COL6A2: variants seen among roughly 807,000 people sequenced by gnomAD.
COL6A2 encodes the protein collagen type VI alpha 2 chain, also known as collagen alpha-2(VI) chain.
Under a neutral mutation model 124.9 loss-of-function variants are expected in COL6A2, and 90 were observed. The observed-to-expected ratio is 0.72, with a 90% CI of 0.61 to 0.86. The LOEUF (loss-of-function observed/expected upper bound fraction) is 0.86, where lower values mean the gene tolerates loss of function less well. COL6A2 is among the 40% of genes least tolerant of loss of function. COL6A2 has a pLI of 0.00. For missense variants in COL6A2, 1,607 were observed against 1,502.5 expected, an observed-to-expected ratio of 1.07 and a Z score of -1.15; for synonymous variants, 793 against 618.2, an observed-to-expected ratio of 1.28 and a Z score of -4.19.
Position 46,121,043 on chromosome 21 carries a change from TCCTCC to T in COL6A2, c.1396-14_1396-10del. 1 of 1,612,090 alleles carries T rather than the reference TCCTCC, an allele frequency of 6.2e-7. No homozygotes were observed. Among genetic ancestry groups the T allele is most frequent in the Non-Finnish European group, 8.5e-7 (1 of 1,179,506 alleles). On this transcript the variant is annotated splice_polypyrimidine_tract_variant and intron_variant, in intron 16 of 27. Coordinates refer to ENST00000300527, the MANE Select transcript of COL6A2 (RefSeq NM_001849.4). ...GCTGTCAGTCAAGAGAACCCCAAAT[TCCTCC>T]CCTTTCTTCCAGGGAGACCGAGGCT... is the stretch of plus-strand genomic sequence containing the variant.
At chr21:46,128,915 C>T (rs751513910) in intron 27 of COL6A2, 34 of 1,612,732 alleles carry the variant, frequency 2.1e-5, no homozygotes, top group Admixed American at 6.7e-5. Flanking sequence ...TTGGACGGAG[C>T]TGTTTTGTGC....
intron 1 of COL6A2, among the ~76,000 whole-genome samples, chr21:46,098,552 G>C (rs977771759): frequency 8.6e-5 from 13 of 150,970 alleles, no homozygotes; most frequent in Admixed American, 5.3e-4. Context: ...GCGTCTGCGA[G>C]CGGTTCGGGT....
intron 13 of COL6A2, 146 bp downstream of exon 13, chr21:46,118,822 G>C: frequency 1.8e-6 from 2 of 1,117,208 alleles, no homozygotes; most frequent in Non-Finnish European, 2.7e-6. Flanking sequence ...AGGAAGAACA[G>C]GCCATGTGCC....
chr21:46,132,560 GC>G lies in COL6A2; in HGVS notation c.*11del. On this transcript the variant is annotated 3_prime_UTR_variant, in exon 28 of 28. Transcript: ENST00000300527. ...ATCCGCTGGATCTGCTAGCGCCGCCGCCCGGGCCCCGCAGTCGAGGGTCGTG... is the reference window on the plus strand; with the variant it reads ...ATCCGCTGGATCTGCTAGCGCCGCCGCCGGGCCCCGCAGTCGAGGGTCGTG... 2 of 1,587,996 alleles carry G rather than the reference GC, an allele frequency of 1.3e-6. No homozygotes were observed. The highest frequency in any genetic ancestry group is 1.7e-6 in the Non-Finnish European group (2 of 1,172,378).
At chr21:46,098,326 G>T (rs977314893) in intron 1 of COL6A2, among the ~76,000 whole-genome samples, 153 bp downstream of exon 1, 1 of 151,910 alleles carries the variant, frequency 6.6e-6, no homozygotes, top group Non-Finnish European at 1.5e-5. Context: ...GGCGGGTTCG[G>T]GGCTCCTCCT....
In COL6A2 at chr21:46,102,553, G is replaced by A. The variant is rs536636454; in HGVS notation, c.-28+4380G>A. Among the ~76,000 whole-genome samples the A allele has an allele frequency of 7.2e-5, 11 of 152,192 alleles. No individual in the cohort carries two copies. In the South Asian group the frequency reaches 1.9e-3, roughly 26 times the overall value. On this transcript the variant is annotated intron_variant, in intron 1 of 27. Coordinates refer to ENST00000300527, the MANE Select transcript of COL6A2 (RefSeq NM_001849.4). ...TTTCGTATAATATGGCTTTTATTAT[G>A]TTAAGGTTGTTTCCTTCTATTCCTA...
Position 46,116,598 on chromosome 21 carries a change from C to T in COL6A2, c.928-53C>T. 6.2e-7 allele frequency: 1 copy of T among 1,611,004 alleles called. No individual in the cohort carries two copies. The highest frequency in any genetic ancestry group is 1.1e-5 in the South Asian group (1 of 91,042). On this transcript the variant is annotated intron_variant, in intron 8 of 27. Coordinates refer to ENST00000300527, the MANE Select transcript of COL6A2 (RefSeq NM_001849.4). The surrounding 1 kb of genome is among the most constrained non-coding windows in gnomAD (Gnocchi z 4.6). ...GCTTTGCCCCCCAGAGGCAGCAGTG[C>T]CCATGATGCTTTGAGGCACCGAGCT... is the stretch of plus-strand genomic sequence containing the variant.
chr21:46,130,880 G>A (rs1027422280), intron 27 of COL6A2, among the ~76,000 whole-genome samples: 2 of 152,198 alleles, frequency 1.3e-5, no homozygotes, highest in Non-Finnish European at 1.5e-5. Context: ...AACCCCATCT[G>A]CCAGCTCGTG....
chr21:46,132,804 C>T lies in COL6A2; in HGVS notation c.*252C>T, dbSNP rs1271828087. The T allele has an allele frequency of 1.7e-6, 1 of 575,736 alleles. No individual in the cohort carries two copies. Among genetic ancestry groups the T allele is most frequent in the Non-Finnish European group, 3.1e-6 (1 of 320,948 alleles). 35.7% of individuals were successfully genotyped at this position (575,736 alleles called of 1,614,324 possible). A position where few individuals can be genotyped will look rare whatever the true frequency, so the allele number is the denominator to read the frequency against. On this transcript the variant is annotated 3_prime_UTR_variant, in exon 28 of 28. Coordinates refer to ENST00000300527, the MANE Select transcript of COL6A2 (RefSeq NM_001849.4). ...CCAAGGCTCCTGACCTACCTGGCCC[C>T]TGAGCTCTGGAGCAAGCCCTGACCC... is the stretch of plus-strand genomic sequence containing the variant.
rs768112144 is a variant in COL6A2 at position 46,112,404 on chromosome 21, C to T, written c.541C>T (p.Arg181Cys). ...CATCAAGCTGCAGGCCGAGCGGGCC[C>T]GCGAGGAGGGCATCCGGCTCTTCGC... ...GGIKLQAERA[R>C]EEGIRLFAVA... The change falls in exon 3 of 28, where the codon CGC becomes TGC. Residue 181 changes from arginine (R) to cysteine (C), a missense_variant. This residue lies in a region of COL6A2 where 342 missense variants were observed against 381.5 expected (regional missense o/e 0.90). Coordinates refer to ENST00000300527, the MANE Select transcript of COL6A2 (RefSeq NM_001849.4). 4.4e-6 allele frequency: 7 copies of T among 1,608,160 alleles called. No individual in the cohort carries two copies. Among genetic ancestry groups the T allele is most frequent in the East Asian group, 2.2e-5 (1 of 44,820 alleles).
intron 1 of COL6A2, among the ~76,000 whole-genome samples, chr21:46,099,889 C>CGTTTTTT (rs1345870090): frequency 8.7e-5 from 8 of 91,832 alleles, no homozygotes; most frequent in Non-Finnish European, 1.0e-4. Context: ...GCAGCACTGT[C>CGTTTTTT]TTTTTTTTTT....
Position 46,132,534 on chromosome 21 carries a change from CATCCGCTGGATCTGCT to C in COL6A2, c.3044_3059del (p.Ile1015SerfsTer20), listed in dbSNP as rs754115768. The C allele has an allele frequency of 6.2e-7, 1 of 1,604,924 alleles. No homozygotes were observed. The highest frequency in any genetic ancestry group is 1.1e-5 in the South Asian group (1 of 90,870). On this transcript the variant is annotated frameshift_variant and stop_lost, in exon 28 of 28. Transcript: ENST00000300527. LOFTEE classifies it high-confidence loss of function. The stretch of plus-strand genomic sequence containing the variant: ...CGCAACCCGGCTTCTTCGACCGCTT[CATCCGCTGGATCTGCT>C]AGCGCCGCCGCCCGGGCCCCGCAGT...
At chr21:46,129,518 G>A (rs2078729692) in intron 27 of COL6A2, 1 of 1,529,858 alleles carries the variant, frequency 6.5e-7, no homozygotes, top group Admixed American at 2.0e-5. Context: ...CAGCCGGGCT[G>A]GGCCCTCCCT....
At chr21:46,131,853 T>G in intron 27 of COL6A2, 101 bp from the exon 28 acceptor site, 2 of 1,122,908 alleles carry the variant, frequency 1.8e-6, no homozygotes, top group Non-Finnish European at 2.6e-6. Flanking sequence ...TCTGTGAGGT[T>G]GCAGGCAGGG....
chr21:46,109,916 G>GC (rs1216075413), intron 1 of COL6A2, among the ~76,000 whole-genome samples: 1 of 152,212 alleles, frequency 6.6e-6, no homozygotes, highest in Non-Finnish European at 1.5e-5. Flanking sequence ...GCTGGCTCCT[G>GC]CCTCCTCCAT....
At position 46,132,575 on chromosome 21, in the gene COL6A2, T is replaced by C. The variant is rs773812685; in HGVS notation, c.*23T>C. On this transcript the variant is annotated 3_prime_UTR_variant, in exon 28 of 28. Transcript: ENST00000300527. Reference sequence around the variant, plus strand: ...TAGCGCCGCCGCCCGGGCCCCGCAGTCGAGGGTCGTGAGCCCACCCCGTCC... The same window carrying C: ...TAGCGCCGCCGCCCGGGCCCCGCAGCCGAGGGTCGTGAGCCCACCCCGTCC... The C allele has an allele frequency of 6.4e-7, 1 of 1,568,512 alleles. No homozygotes were observed. The highest frequency in any genetic ancestry group is 8.6e-7 in the Non-Finnish European group (1 of 1,162,858).
intron 1 of COL6A2, among the ~76,000 whole-genome samples, chr21:46,103,307 CTTTT>C (rs2078306214): frequency 6.6e-6 from 1 of 152,052 alleles, no homozygotes; most frequent in African/African-American, 2.4e-5. Context: ...TGAGTTTCTT[CTTTT>C]TTTCTTAGTC....
Position 46,132,282 on chromosome 21 carries a change from C to T in COL6A2, c.2790C>T (p.Arg930=). The T allele has an allele frequency of 6.2e-7, 1 of 1,606,858 alleles. No homozygotes were observed. The highest frequency in any genetic ancestry group is 8.5e-7 in the Non-Finnish European group (1 of 1,179,196). The change falls in exon 28 of 28, where the codon CGC becomes CGT. Residue 930 remains arginine (R), a synonymous_variant. Transcript: ENST00000300527. ...GVVHAINAIV[R]SPRGGARRHA... is the part of the protein sequence containing the mutation. ...TGCACGCCATCAATGCCATCGTGCG[C>T]AGCCCGCGTGGCGGGGCCCGGAGGC...
chr21:46,116,420 G>C lies in COL6A2; in HGVS notation c.927+17G>C. On this transcript the variant is annotated intron_variant, in intron 8 of 27. Coordinates refer to ENST00000300527, the MANE Select transcript of COL6A2 (RefSeq NM_001849.4). The surrounding 1 kb of genome is among the most constrained non-coding windows in gnomAD (Gnocchi z 4.6). Reference sequence around the variant, plus strand: ...GGAGAGAAGGTGAGGCTCTTGCCCTGACAGACCTCAGACCTGCGCCAGCCT... The same window carrying C: ...GGAGAGAAGGTGAGGCTCTTGCCCTCACAGACCTCAGACCTGCGCCAGCCT... 1 of 1,612,532 alleles carries C rather than the reference G, an allele frequency of 6.2e-7. No homozygotes were observed.
Sources: allele counts gnomAD v4.1 joint callset (sites outside exome capture counted in the v4.1 genomes callset), GRCh38; gene constraint gnomAD v4.1.1; regional missense constraint gnomAD v4.1.1; non-coding constraint Gnocchi (gnomAD v3.1); transcripts MANE v1.5; gene names NCBI Gene and HGNC (gene_info 2026-07-23, HGNC 2026-07-21).